The following LRPPRC variants were observed in gnomAD, a reference collection of about 807,000 sequenced individuals.
The protein encoded by LRPPRC is leucine rich pentatricopeptide repeat containing.
LRPPRC carries 120 observed loss-of-function variants against 180.3 expected under a neutral mutation model. That is an observed-to-expected ratio of 0.67 (90% confidence interval 0.57 to 0.77). LRPPRC has a LOEUF of 0.77. LRPPRC is among the 30% of genes least tolerant of loss of function. The pLI, the probability that LRPPRC is intolerant of heterozygous loss-of-function variation, is 0.00. For synonymous variants in LRPPRC, 723 were observed against 600.0 expected, an observed-to-expected ratio of 1.21 and a Z score of -3.00; for missense variants, 2,012 against 1,657.2, an observed-to-expected ratio of 1.21 and a Z score of -3.72.
At chr2:43,986,686 A>T (rs1033940016) in intron 1 of LRPPRC, among the ~76,000 whole-genome samples, 2 of 152,146 alleles carry the variant, frequency 1.3e-5, no homozygotes, top group African/African-American at 4.8e-5. Context: ...GGCCAGGGTT[A>T]GCACTCAGAC....
chr2:43,967,590 A>G (rs1461521433), intron 11 of LRPPRC, among the ~76,000 whole-genome samples: 2 of 152,172 alleles, frequency 1.3e-5, no homozygotes, highest in Admixed American at 1.3e-4. Flanking sequence ...GCTACTGGGG[A>G]GGCTGAGGCA....
At position 43,905,685 on chromosome 2, in the gene LRPPRC, G is replaced by A. The variant is rs1319969205; in HGVS notation, c.3364+7C>T. 6.2e-7 allele frequency: 1 copy of A among 1,603,914 alleles called. No homozygotes were observed. Among genetic ancestry groups the A allele is most frequent in the Admixed American group, 1.7e-5 (1 of 60,006 alleles). ...ATGTGACGTAAAGGTCAAGCATTGT[G>A]ACATACCTTTCAAATAATCCCGCCT... On this transcript the variant is annotated splice_region_variant and intron_variant, in intron 31 of 37. Transcript: ENST00000260665.
At chr2:43,956,393 T>C (rs1008752242) in intron 14 of LRPPRC, among the ~76,000 whole-genome samples, 2 of 152,120 alleles carry the variant, frequency 1.3e-5, no homozygotes, top group Non-Finnish European at 2.9e-5. Context: ...TTAGAGATGA[T>C]GACTTTATTC....
intron 2 of LRPPRC, among the ~76,000 whole-genome samples, chr2:43,981,063 T>C (rs1674286219): frequency 6.6e-6 from 1 of 152,172 alleles, no homozygotes; most frequent in Admixed American, 6.5e-5. Context: ...TTTAGGAAGC[T>C]ACAGAATCCT....
intron 13 of LRPPRC, among the ~76,000 whole-genome samples, chr2:43,959,429 T>C (rs368878722): frequency 2.6e-4 from 40 of 152,322 alleles, no homozygotes; most frequent in African/African-American, 9.1e-4. Context: ...GTTCCACCCA[T>C]ACAGTTTGAA....
Position 43,905,731 on chromosome 2 carries a change from G to A in LRPPRC, c.3325C>T (p.Arg1109Cys), listed in dbSNP as rs1468749331. 2.5e-6 allele frequency: 4 copies of A among 1,613,854 alleles called. No individual in the cohort carries two copies. Among genetic ancestry groups the A allele is most frequent in the East Asian group, 4.5e-5 (2 of 44,894 alleles). Residue 1109 changes from arginine to cysteine, a missense_variant, in exon 31 of 38, where the codon CGC becomes TGC. Arg to Cys is a radical substitution (Grantham distance 180). Coordinates refer to ENST00000260665, the MANE Select transcript of LRPPRC (RefSeq NM_133259.4). ...GFTLNDAANS[R>C]LIITQVRRDY... ...CGCCTAACTTGCGTTATGATGAGGCGGCTGTTGGCAGCATCGTTCAGTGTG... is the reference window on the plus strand; with the variant it reads ...CGCCTAACTTGCGTTATGATGAGGCAGCTGTTGGCAGCATCGTTCAGTGTG...
intron 13 of LRPPRC, chr2:43,959,189 TTC>T (rs1357124010): frequency 4.0e-5 from 29 of 716,364 alleles, no homozygotes; most frequent in Admixed American, 1.2e-4. Context: ...CTGCTAATGC[TTC>T]TCTGTTTTCT....
chr2:43,991,560 G>C (rs946491307), intron 1 of LRPPRC, among the ~76,000 whole-genome samples: 4 of 152,058 alleles, frequency 2.6e-5, no homozygotes, highest in Admixed American at 2.6e-4. Flanking sequence ...ATCACACAAA[G>C]AATACACACA....
In LRPPRC at chr2:43,988,363, C is replaced by T. The variant is rs547661552; in HGVS notation, c.150-5929G>A. On this transcript the variant is annotated intron_variant, in intron 1 of 37. Coordinates refer to ENST00000260665, the MANE Select transcript of LRPPRC (RefSeq NM_133259.4). ...ACCAGCCTAACCAACATGAAGAAAC[C>T]CCATCTCTACTAAAAATACAAACTT... Among the ~76,000 whole-genome samples the T allele has an allele frequency of 6.6e-5, 10 of 152,036 alleles. 1 individual carries two copies. The East Asian group carries it at 1.9e-3, about 29-fold the overall frequency.
Position 43,934,857 on chromosome 2 carries a change from A to T in LRPPRC, c.2526T>A (p.Leu842=). 6.2e-7 allele frequency: 1 copy of T among 1,613,106 alleles called. No homozygotes were observed. The highest frequency in any genetic ancestry group is 8.5e-7 in the Non-Finnish European group (1 of 1,179,194). The part of the protein sequence containing the change: ...HLEKGDLSTA[L]EVAIDCYEKY... ...TTTCATAGCAGTCAATGGCGACCTC[A>T]AGAGCAGTAGATAGGTCGCCCCTTA... Residue 842 remains leucine, a synonymous_variant, in exon 24 of 38, where the codon CTT becomes CTA. Transcript: ENST00000260665.
At chr2:43,889,118 C>G (rs906313279) in intron 37 of LRPPRC, among the ~76,000 whole-genome samples, 12 of 152,022 alleles carry the variant, frequency 7.9e-5, no homozygotes, top group Non-Finnish European at 1.6e-4. Flanking sequence ...AGTTCAAGAC[C>G]AGCGTGGCCA....
chr2:43,934,695 A>G, intron 24 of LRPPRC, 59 bp downstream of exon 24: 3 of 1,500,368 alleles, frequency 2.0e-6, no homozygotes, highest in Non-Finnish European at 2.8e-6. Flanking sequence ...CAATACACTA[A>G]GATTAAATCA....
chr2:43,934,108 A>G (rs1267881692), intron 25 of LRPPRC, 82 bp downstream of exon 25: 1 of 791,324 alleles, frequency 1.3e-6, no homozygotes, highest in African/African-American at 1.7e-5. Context: ...AACAAGTGTA[A>G]TTAAAGGTTA....
At chr2:43,960,737 A>AT in intron 12 of LRPPRC, 103 bp from the exon 13 acceptor site, 1 of 749,230 alleles carries the variant, frequency 1.3e-6, no homozygotes, top group Non-Finnish European at 2.4e-6. Context: ...ATATTCTCTG[A>AT]TTTTCTAGAA....
intron 22 of LRPPRC, among the ~76,000 whole-genome samples, chr2:43,944,937 CAT>C (rs1672623231): frequency 6.6e-6 from 1 of 152,158 alleles, no homozygotes; most frequent in African/African-American, 2.4e-5. Flanking sequence ...AATTCAGGCG[CAT>C]ATATTAGGTT....
At chr2:43,932,416 C>T (rs1320817265) in intron 25 of LRPPRC, among the ~76,000 whole-genome samples, 1 of 151,998 alleles carries the variant, frequency 6.6e-6, no homozygotes, top group African/African-American at 2.4e-5. Context: ...AAATGTTGCT[C>T]ATGACTTGTA....
chr2:43,900,256 G>T (rs956586189), intron 32 of LRPPRC, among the ~76,000 whole-genome samples: 1 of 151,814 alleles, frequency 6.6e-6, no homozygotes, highest in African/African-American at 2.4e-5. Context: ...GCAAGTTATG[G>T]TAAAAATTAT....
intron 35 of LRPPRC, among the ~76,000 whole-genome samples, chr2:43,895,534 CTTTTTAA>C (rs1216850726): frequency 1.3e-5 from 2 of 152,154 alleles, no homozygotes; most frequent in African/African-American, 4.8e-5. Flanking sequence ...ATTCCTTATA[CTTTTTAA>C]TCACACGTAT....
chr2:43,920,869 T>C (rs1671675919), intron 27 of LRPPRC, among the ~76,000 whole-genome samples: 1 of 152,154 alleles, frequency 6.6e-6, no homozygotes, highest in African/African-American at 2.4e-5. Flanking sequence ...GGGTGGATAA[T>C]CTACAACTCC....
Sources: allele counts gnomAD v4.1 joint callset (sites outside exome capture counted in the v4.1 genomes callset), GRCh38; gene constraint gnomAD v4.1.1; transcripts MANE v1.5; gene names NCBI Gene and HGNC (gene_info 2026-07-23, HGNC 2026-07-21).